Variants in SLC16A7 observed in about 807,000 individuals in gnomAD.
SLC16A7 encodes monocarboxylate transporter 2.
In SLC16A7, 33 loss-of-function variants were observed where a neutral mutation model predicts 34.9. The ratio of observed to expected loss-of-function variants is 0.94; its 90% CI spans 0.72 to 1.26. The LOEUF is 1.26. SLC16A7 is among the 50% of genes most tolerant of loss of function. The pLI is 0.00. For synonymous variants in SLC16A7, 201 were observed against 206.6 expected (o/e 0.97, Z 0.23); for missense variants, 573 against 578.1 (o/e 0.99, Z 0.09).
chr12:59,682,457 A>T lies in SLC16A7; in HGVS notation c.-30-22315A>T, dbSNP rs186321982. Reference sequence around the variant, plus strand: ...TTAGACGCTATAGTGAATATAAATGATTTATTCACTGTTCATGGTCTCAAG... The same window carrying T: ...TTAGACGCTATAGTGAATATAAATGTTTTATTCACTGTTCATGGTCTCAAG... On this transcript the variant is annotated intron_variant, in intron 2 of 5. Transcript: ENST00000547379. Among the ~76,000 whole-genome samples, 582 of 152,278 alleles carry T rather than the reference A, an allele frequency of 3.8e-3. 3 individuals are homozygous for T. Among genetic ancestry groups the T allele is most frequent in the African/African-American group, 0.013 (555 of 41,562 alleles).
At chr12:59,656,959 G>GT (rs1868568964) in intron 2 of SLC16A7, among the ~76,000 whole-genome samples, 1 of 151,950 alleles carries the variant, frequency 6.6e-6, no homozygotes, top group Non-Finnish European at 1.5e-5. Flanking sequence ...CTGAGCATCA[G>GT]TTTTTTCATC....
rs11173141 is a variant in SLC16A7, at chr12:59,780,025, A to G, written c.*346A>G. Reference sequence around the variant, plus strand: ...TCCCAAACCCCTGGTTTAAGTAGGTAGAAGGAGGATGCCTAATCCTACAAA... The same window carrying G: ...TCCCAAACCCCTGGTTTAAGTAGGTGGAAGGAGGATGCCTAATCCTACAAA... On this transcript the variant is annotated 3_prime_UTR_variant, in exon 6 of 6. Coordinates refer to ENST00000547379, the MANE Select transcript of SLC16A7 (RefSeq NM_001270623.2). 5,723 of 197,782 alleles carry G rather than the reference A, an allele frequency of 0.029. 309 individuals are homozygous for G. The highest frequency in any genetic ancestry group is 0.13 in the African/African-American group (5,337 of 42,190). 12.3% of individuals were successfully genotyped at this position (197,782 alleles called of 1,614,324 possible). A position where few individuals can be genotyped will look rare whatever the true frequency, so the allele number is the denominator to read the frequency against.
chr12:59,690,496 C>A (rs1311094987), intron 2 of SLC16A7, among the ~76,000 whole-genome samples: 1 of 151,892 alleles, frequency 6.6e-6, no homozygotes, highest in African/African-American at 2.4e-5. Context: ...TGAATTCAGG[C>A]TTTAATACCA....
chr12:59,633,968 C>T (rs1880305286), intron 1 of SLC16A7, among the ~76,000 whole-genome samples: 2 of 152,076 alleles, frequency 1.3e-5, no homozygotes. Flanking sequence ...CTAACTTCTG[C>T]CAGGCAGGCA....
In SLC16A7 at chr12:59,775,526, T is replaced by G. The variant is rs745954010; in HGVS notation, c.1180+51T>G. ...ATGTAAAGCATAAAATTAATATCCA[T>G]TAACGGAGACTTTATATACAGATGT... On this transcript the variant is annotated intron_variant, in intron 5 of 5. Transcript: ENST00000547379. 8.1e-5 allele frequency: 110 copies of G among 1,352,590 alleles called. No homozygotes were observed. The Admixed American group carries it at 2.0e-3, about 24-fold the overall frequency. 83.8% of individuals were successfully genotyped at this position (1,352,590 alleles called of 1,614,324 possible).
rs952283816 is a variant in SLC16A7, at chr12:59,634,111, A to C, written c.-129-21041A>C. On this transcript the variant is annotated intron_variant, in intron 1 of 5. Coordinates refer to ENST00000547379, the MANE Select transcript of SLC16A7 (RefSeq NM_001270623.2). Reference sequence around the variant, plus strand: ...TCTTGTCCGTAGTCACATGGTTAGGATCACTTGATTCCAAATCTGCCAACT... The same window carrying C: ...TCTTGTCCGTAGTCACATGGTTAGGCTCACTTGATTCCAAATCTGCCAACT... 4.6e-5 allele frequency among the ~76,000 whole-genome samples: 7 copies of C among 152,164 alleles called. 1 individual carries two copies. In the East Asian group the frequency reaches 1.4e-3, roughly 30 times the overall value.
chr12:59,646,354 C>T (rs1036339634), intron 1 of SLC16A7, among the ~76,000 whole-genome samples: 18 of 152,166 alleles, frequency 1.2e-4, no homozygotes, highest in African/African-American at 1.9e-4. Context: ...ATGGCTAAAA[C>T]GGGCCAAGGT....
chr12:59,711,103 AG>A (rs1236533223), intron 3 of SLC16A7, among the ~76,000 whole-genome samples: 1 of 152,228 alleles, frequency 6.6e-6, no homozygotes, highest in East Asian at 1.9e-4. Context: ...GAAGATTGCT[AG>A]GACATGGCCT....
chr12:59,598,899 C>G (rs377072592), intron 1 of SLC16A7, among the ~76,000 whole-genome samples: 1 of 152,246 alleles, frequency 6.6e-6, no homozygotes, highest in Admixed American at 6.5e-5. Context: ...CACTGTGCTA[C>G]TACTGTCTGA....
In SLC16A7 at chr12:59,779,831, A is replaced by G. The variant is rs760942349; in HGVS notation, c.*152A>G. ...TATTTTCCTCAATGGCAAATTTTAAATTAGTTTTTAAAAACTTACTTATTT... is the reference window on the plus strand; with the variant it reads ...TATTTTCCTCAATGGCAAATTTTAAGTTAGTTTTTAAAAACTTACTTATTT... On this transcript the variant is annotated 3_prime_UTR_variant, in exon 6 of 6. Transcript: ENST00000547379. The G allele has an allele frequency of 8.0e-5, 48 of 601,408 alleles. No homozygotes were observed. Among genetic ancestry groups the G allele is most frequent in the African/African-American group, 1.7e-4 (9 of 53,078 alleles). The allele number at this position is 601,408 out of a possible 1,614,324, so 37.3% of individuals were successfully genotyped here.
At chr12:59,651,780 T>G (rs1868346583) in intron 1 of SLC16A7, among the ~76,000 whole-genome samples, 1 of 152,174 alleles carries the variant, frequency 6.6e-6, no homozygotes, top group South Asian at 2.1e-4. Context: ...AATCATTCAC[T>G]CTAAGTTCTC....
intron 1 of SLC16A7, among the ~76,000 whole-genome samples, chr12:59,640,426 G>GC (rs34078003): frequency 0.17 from 25,865 of 151,670 alleles, 2,843 homozygotes; most frequent in Non-Finnish European, 0.23. Context: ...TGAACTTTAT[G>GC]CCCCCCCAGA....
At chr12:59,779,193 GAA>G (rs1160638712) in intron 5 of SLC16A7, among the ~76,000 whole-genome samples, 1 of 151,962 alleles carries the variant, frequency 6.6e-6, no homozygotes, top group Non-Finnish European at 1.5e-5. Context: ...TTTACTGAGA[GAA>G]ATAATTTTTA....
chr12:59,621,960 G>T (rs563308017), intron 1 of SLC16A7, among the ~76,000 whole-genome samples: 1 of 151,496 alleles, frequency 6.6e-6, no homozygotes, highest in Non-Finnish European at 1.5e-5. Flanking sequence ...CTCCAATCAC[G>T]CACACTTTTG....
At chr12:59,727,897 G>C (rs1876477936) in intron 3 of SLC16A7, among the ~76,000 whole-genome samples, 1 of 152,002 alleles carries the variant, frequency 6.6e-6, no homozygotes, top group Non-Finnish European at 1.5e-5. Flanking sequence ...AAAAGAGAGA[G>C]ACAAAAGGTC....
intron 2 of SLC16A7, among the ~76,000 whole-genome samples, chr12:59,665,721 A>G (rs565952953): frequency 6.6e-6 from 1 of 152,176 alleles, no homozygotes; most frequent in Non-Finnish European, 1.5e-5. Flanking sequence ...AGTTACTGGC[A>G]TCATGAATTA....
At chr12:59,613,400 A>G (rs558197368) in intron 1 of SLC16A7, among the ~76,000 whole-genome samples, 6 of 152,308 alleles carry the variant, frequency 3.9e-5, no homozygotes, top group African/African-American at 1.4e-4. Flanking sequence ...TGGGGACACA[A>G]CCAAATTATA....
chr12:59,677,366 T>C (rs1870396353), intron 2 of SLC16A7, among the ~76,000 whole-genome samples: 2 of 152,216 alleles, frequency 1.3e-5, no homozygotes, highest in African/African-American at 2.4e-5. Flanking sequence ...AAATGTTTAT[T>C]AACAAAGCTA....
intron 2 of SLC16A7, among the ~76,000 whole-genome samples, chr12:59,691,519 GGGGCT>G (rs1323372540): frequency 6.6e-6 from 1 of 152,042 alleles, no homozygotes; most frequent in Admixed American, 6.6e-5. Flanking sequence ...GTGGGGAAGA[GGGGCT>G]GGGCTGACTG....
Sources: allele counts gnomAD v4.1 joint callset (sites outside exome capture counted in the v4.1 genomes callset), GRCh38; gene constraint gnomAD v4.1.1; transcripts MANE v1.5; gene names NCBI Gene and HGNC (gene_info 2026-07-23, HGNC 2026-07-21).